Variants in CSMD1 observed in about 807,000 individuals in gnomAD.
CSMD1 encodes CUB and Sushi multiple domains 1, also known as CUB and sushi domain-containing protein 1.
A neutral mutation model predicts 417.5 loss-of-function variants in CSMD1; 213 were observed. That is an observed-to-expected ratio of 0.51 (90% CI 0.46 to 0.57). CSMD1 has a LOEUF of 0.57. Ranked by LOEUF, CSMD1 falls within the 20% of genes least tolerant of loss-of-function variation. The pLI is 0.00. For synonymous variants in CSMD1, 2,862 were observed against 1,736.8 expected (o/e 1.65, Z -16.11); for missense variants, 6,923 against 4,529.7 (o/e 1.53, Z -15.17).
At chr8:3,718,958 C>G (rs538790883) in intron 6 of CSMD1, among the ~76,000 whole-genome samples, 1 of 151,980 alleles carries the variant, frequency 6.6e-6, no homozygotes, top group Middle Eastern at 3.4e-3. Flanking sequence ...ATAGAAGGAG[C>G]GAGAAGATAA....
intron 1 of CSMD1, among the ~76,000 whole-genome samples, chr8:4,881,533 GTT>G (rs67009139): frequency 0.78 from 103,133 of 132,050 alleles, 41,156 homozygotes; most frequent in East Asian, 0.93. Context: ...CTCGAAGTTA[GTT>G]TTTTTTTTTT....
intron 1 of CSMD1, among the ~76,000 whole-genome samples, chr8:4,732,134 G>C (rs959859821): frequency 3.9e-4 from 59 of 152,022 alleles, no homozygotes; most frequent in African/African-American, 1.4e-3. Context: ...GAGATTCAGA[G>C]GCTTCTAATA....
intron 1 of CSMD1, among the ~76,000 whole-genome samples, chr8:4,756,437 T>C (rs553981082): frequency 6.6e-6 from 1 of 152,182 alleles, no homozygotes; most frequent in Non-Finnish European, 1.5e-5. Context: ...GACAGTCCAG[T>C]TTCCTAAACG....
At chr8:4,299,209 G>C (rs1286373059) in intron 3 of CSMD1, among the ~76,000 whole-genome samples, 1 of 152,104 alleles carries the variant, frequency 6.6e-6, no homozygotes, top group Non-Finnish European at 1.5e-5. Flanking sequence ...ACTTTTGCCA[G>C]GTAATGTAAG....
At chr8:3,669,054 A>C (rs112984484) in intron 7 of CSMD1, among the ~76,000 whole-genome samples, 2 of 152,306 alleles carry the variant, frequency 1.3e-5, no homozygotes, top group Non-Finnish European at 1.5e-5. Flanking sequence ...ACCTGTCTTC[A>C]AAACTAAGGA....
At chr8:3,129,480 A>G (rs371470298) in intron 41 of CSMD1, among the ~76,000 whole-genome samples, 4 of 152,168 alleles carry the variant, frequency 2.6e-5, no homozygotes, top group African/African-American at 9.7e-5. Flanking sequence ...AAACACAAAA[A>G]ACTATGGAGC....
intron 1 of CSMD1, among the ~76,000 whole-genome samples, chr8:4,864,811 A>T (rs936674433): frequency 1.3e-5 from 2 of 151,272 alleles, no homozygotes; most frequent in African/African-American, 2.4e-5. Context: ...ATTCTCTGTA[A>T]TCTTTTCATT....
intron 3 of CSMD1, among the ~76,000 whole-genome samples, chr8:4,320,439 A>G (rs73174231): frequency 0.046 from 7,019 of 152,206 alleles, 234 homozygotes; most frequent in Non-Finnish European, 0.067. Flanking sequence ...GACACGTGCC[A>G]TGATGGTTTT....
chr8:4,881,422 T>C (rs1803388898), intron 1 of CSMD1, among the ~76,000 whole-genome samples: 2 of 44,208 alleles, frequency 4.5e-5, no homozygotes, highest in South Asian at 1.7e-3. Flanking sequence ...TATCTATCTA[T>C]CTATCTATCT....
chr8:3,756,917 T>A (rs965639176), intron 5 of CSMD1, among the ~76,000 whole-genome samples: 1 of 152,076 alleles, frequency 6.6e-6, no homozygotes, highest in African/African-American at 2.4e-5. Context: ...TGCCTCAACC[T>A]CTGGAGTAGC....
At chr8:4,237,369 C>T (rs1183815748) in intron 3 of CSMD1, among the ~76,000 whole-genome samples, 1 of 152,008 alleles carries the variant, frequency 6.6e-6, no homozygotes, top group African/African-American at 2.4e-5. Flanking sequence ...TTCTGAGACT[C>T]AGTTTCCGTT....
intron 5 of CSMD1, among the ~76,000 whole-genome samples, chr8:3,990,227 T>G (rs1225414677): frequency 6.6e-6 from 1 of 152,236 alleles, no homozygotes; most frequent in Non-Finnish European, 1.5e-5. Flanking sequence ...TCATAGTTGA[T>G]GAAATACATT....
At position 3,834,199 on chromosome 8, in the gene CSMD1, A is replaced by T. The variant is rs531627464; in HGVS notation, c.819-80157T>A. On this transcript the variant is annotated intron_variant, in intron 5 of 69. Coordinates refer to ENST00000635120, the MANE Select transcript of CSMD1 (RefSeq NM_033225.6). Reference sequence around the variant, plus strand: ...CTATTCTATCAACAGTTATTTTAAAATTTTTTTTCTTTTATTTTGTAAAGA... The same window carrying T: ...CTATTCTATCAACAGTTATTTTAAATTTTTTTTTCTTTTATTTTGTAAAGA... Among the ~76,000 whole-genome samples, 22 of 151,952 alleles carry T rather than the reference A, an allele frequency of 1.4e-4. No individual in the cohort carries two copies. In the South Asian group the frequency reaches 2.3e-3, roughly 16 times the overall value.
intron 10 of CSMD1, among the ~76,000 whole-genome samples, chr8:3,507,037 T>A (rs75840361): frequency 0.072 from 10,899 of 152,236 alleles, 478 homozygotes; most frequent in East Asian, 0.15. Context: ...AACAAACGTA[T>A]ATACCAAGTG....
chr8:4,388,601 T>TAGGGAAAAA (rs1803631525), intron 3 of CSMD1, among the ~76,000 whole-genome samples: 1 of 152,078 alleles, frequency 6.6e-6, no homozygotes, highest in Non-Finnish European at 1.5e-5. Flanking sequence ...GGGTACAGTG[T>TAGGGAAAAA]ATACTGCTCA....
intron 3 of CSMD1, among the ~76,000 whole-genome samples, chr8:4,217,230 A>C (rs891041997): frequency 2.4e-4 from 37 of 152,322 alleles, no homozygotes; most frequent in African/African-American, 8.2e-4. Context: ...TCTTGATATA[A>C]AAATGCTTCT....
chr8:2,987,598 G>C lies in CSMD1; in HGVS notation c.8378-8798C>G, dbSNP rs542454624. On this transcript the variant is annotated intron_variant, in intron 54 of 69. Transcript: ENST00000635120. ...ATATAACTCACAATTTTTGCTGTAA[G>C]GAATGTACACTGCATTATGAGAAAT... 9.9e-5 allele frequency among the ~76,000 whole-genome samples: 15 copies of C among 152,234 alleles called. No homozygotes were observed. The South Asian group carries it at 3.1e-3, about 32-fold the overall frequency.
intron 11 of CSMD1, among the ~76,000 whole-genome samples, chr8:3,490,150 G>C (rs1585242101): frequency 6.6e-6 from 1 of 152,240 alleles, no homozygotes; most frequent in African/African-American, 2.4e-5. Flanking sequence ...GTACACTAAG[G>C]ACATATATCA....
intron 1 of CSMD1, among the ~76,000 whole-genome samples, chr8:4,924,414 A>G (rs1806712853): frequency 1.3e-5 from 2 of 152,206 alleles, no homozygotes; most frequent in African/African-American, 4.8e-5. Flanking sequence ...TAAAAGATGT[A>G]ATAGTAAACA....
Sources: allele counts gnomAD v4.1 joint callset (sites outside exome capture counted in the v4.1 genomes callset), GRCh38; gene constraint gnomAD v4.1.1; transcripts MANE v1.5; gene names NCBI Gene and HGNC (gene_info 2026-07-23, HGNC 2026-07-21).